TNFSF13B: variants seen among roughly 807,000 people sequenced by gnomAD.
TNFSF13B encodes the protein tumor necrosis factor ligand superfamily member 13B.
Under a neutral mutation model 29.1 loss-of-function variants are expected in TNFSF13B, and 8 were observed. The ratio of observed to expected loss-of-function variants is 0.27; its 90% CI spans 0.16 to 0.50. The LOEUF (loss-of-function observed/expected upper bound fraction) is 0.50, where lower values mean the gene tolerates loss of function less well. Ranked by LOEUF, TNFSF13B falls within the 20% of genes least tolerant of loss-of-function variation. TNFSF13B has a pLI of 0.98. For missense variants in TNFSF13B, 248 were observed against 334.9 expected (o/e 0.74, Z 2.03); for synonymous variants, 125 against 130.8 (o/e 0.96, Z 0.30).
intron 5 of TNFSF13B, 149 bp from the exon 6 acceptor site, chr13:108,306,677 T>G (rs1167746377): frequency 2.0e-6 from 1 of 508,920 alleles, no homozygotes; most frequent in East Asian, 3.4e-5. Flanking sequence ...CTAAGATAAT[T>G]GCAATGGTTT....
chr13:108,303,368 A>G lies in TNFSF13B; in HGVS notation c.594+3A>G. The stretch of plus-strand genomic sequence containing the variant: ...GTTACTTTTTTATATATGGTCAGGT[A>G]GGTTGAAACCCTAATTCTGGTTTTA... On this transcript the variant is annotated splice_donor_region_variant and intron_variant, in intron 4 of 5. Coordinates refer to ENST00000375887, the MANE Select transcript of TNFSF13B (RefSeq NM_006573.5). 6.2e-7 allele frequency: 1 copy of G among 1,611,394 alleles called. No individual in the cohort carries two copies. The highest frequency in any genetic ancestry group is 8.5e-7 in the Non-Finnish European group (1 of 1,178,296).
chr13:108,280,820 G>C (rs189548148), intron 2 of TNFSF13B, among the ~76,000 whole-genome samples: 361 of 151,942 alleles, frequency 2.4e-3, no homozygotes, highest in African/African-American at 8.0e-3. Flanking sequence ...AATATGAGTG[G>C]ATATGTGACA....
chr13:108,307,696 T>A lies in TNFSF13B; in HGVS notation c.*758T>A, dbSNP rs572185126. On this transcript the variant is annotated 3_prime_UTR_variant, in exon 6 of 6. Coordinates refer to ENST00000375887, the MANE Select transcript of TNFSF13B (RefSeq NM_006573.5). ...ACTTTTAATATCAGGTAATTTCAAT[T>A]TATGCCTATAAAGCATTGATTGAAA... is the stretch of plus-strand genomic sequence containing the variant. 7.2e-5 allele frequency: 11 copies of A among 152,028 alleles called. No individual in the cohort carries two copies. Among genetic ancestry groups the A allele is most frequent in the Admixed American group, 5.9e-4 (9 of 15,240 alleles). 9.4% of individuals were successfully genotyped at this position (152,028 alleles called of 1,614,324 possible). A position where few individuals can be genotyped will look rare whatever the true frequency, so the allele number is the denominator to read the frequency against.
intron 5 of TNFSF13B, among the ~76,000 whole-genome samples, chr13:108,303,883 A>G (rs2139071176): frequency 6.6e-6 from 1 of 152,352 alleles, no homozygotes; most frequent in South Asian, 2.1e-4. Flanking sequence ...TACATGGTAC[A>G]TAGTACTTCT....
chr13:108,272,113 G>T (rs1880636356), intron 2 of TNFSF13B, among the ~76,000 whole-genome samples: 1 of 152,096 alleles, frequency 6.6e-6, no homozygotes, highest in Non-Finnish European at 1.5e-5. Context: ...TTTAGTAGTT[G>T]TAAAACAATA....
At chr13:108,292,786 T>C (rs1881357511) in intron 3 of TNFSF13B, among the ~76,000 whole-genome samples, 1 of 152,184 alleles carries the variant, frequency 6.6e-6, no homozygotes, top group African/African-American at 2.4e-5. Context: ...CTTTTTGTTG[T>C]TGAGTTGTAA....
chr13:108,299,388 G>C (rs1205020750), intron 3 of TNFSF13B, among the ~76,000 whole-genome samples: 1 of 111,408 alleles, frequency 9.0e-6, no homozygotes, highest in Non-Finnish European at 2.1e-5. Flanking sequence ...TTACAATGTA[G>C]CAAATCTGGA....
intron 2 of TNFSF13B, among the ~76,000 whole-genome samples, chr13:108,282,505 T>C (rs1320279580): frequency 6.6e-6 from 1 of 152,236 alleles, no homozygotes; most frequent in Non-Finnish European, 1.5e-5. Flanking sequence ...TAAAAATGTT[T>C]CCCATATGGT....
chr13:108,296,062 T>C (rs1881450744), intron 3 of TNFSF13B, among the ~76,000 whole-genome samples: 1 of 146,148 alleles, frequency 6.8e-6, no homozygotes, highest in Admixed American at 6.7e-5. Flanking sequence ...AAAATATGTG[T>C]TCTGCTGATT....
intron 2 of TNFSF13B, among the ~76,000 whole-genome samples, chr13:108,278,694 C>G (rs1237010422): frequency 5.0e-5 from 4 of 79,262 alleles, no homozygotes; most frequent in South Asian, 4.7e-4. Context: ...TCCTCCTCCT[C>G]TTCCTCCTCC....
intron 2 of TNFSF13B, among the ~76,000 whole-genome samples, chr13:108,281,296 T>C (rs1880947022): frequency 6.6e-6 from 1 of 152,132 alleles, no homozygotes. Context: ...TTTGTCATCA[T>C]TCCATCAGCT....
intron 2 of TNFSF13B, among the ~76,000 whole-genome samples, chr13:108,275,802 A>G (rs1217622453): frequency 6.6e-6 from 1 of 152,180 alleles, no homozygotes; most frequent in Admixed American, 6.5e-5. Flanking sequence ...AGACTTAACT[A>G]TTAGCTAAAT....
At chr13:108,272,059 C>T (rs549585568) in intron 2 of TNFSF13B, among the ~76,000 whole-genome samples, 2 of 152,234 alleles carry the variant, frequency 1.3e-5, no homozygotes, top group Non-Finnish European at 2.9e-5. Flanking sequence ...ACCGGTTCTC[C>T]ACATTCTTGC....
intron 2 of TNFSF13B, among the ~76,000 whole-genome samples, chr13:108,274,972 T>C (rs1235234104): frequency 6.6e-6 from 1 of 152,190 alleles, no homozygotes; most frequent in Non-Finnish European, 1.5e-5. Context: ...TTTTAGAATT[T>C]AGTACTTTGG....
chr13:108,284,014 A>C (rs1045794209), intron 2 of TNFSF13B, among the ~76,000 whole-genome samples: 3 of 152,106 alleles, frequency 2.0e-5, no homozygotes, highest in Non-Finnish European at 4.4e-5. Flanking sequence ...AGTTTTTGGG[A>C]AACAGAGAAA....
intron 5 of TNFSF13B, among the ~76,000 whole-genome samples, chr13:108,304,340 A>G (rs1260929795): frequency 2.6e-5 from 4 of 152,170 alleles, no homozygotes; most frequent in African/African-American, 4.8e-5. Flanking sequence ...TTCTTTCTAA[A>G]TAGCCACAAG....
At chr13:108,288,259 C>G (rs904304055) in intron 3 of TNFSF13B, among the ~76,000 whole-genome samples, 2 of 152,138 alleles carry the variant, frequency 1.3e-5, no homozygotes, top group African/African-American at 4.8e-5. Context: ...ATTTAGTTTA[C>G]ATTTATTAAT....
rs58093140 is a variant in TNFSF13B at position 108,307,016 on chromosome 13, CAAAAAAAAAAAA to C, written c.*98_*109del. 0.069 allele frequency: 5,277 copies of C among 76,642 alleles called. 72 individuals carry two copies. The highest frequency in any genetic ancestry group is 0.15 in the Middle Eastern group (23 of 158). The allele number at this position is 76,642 out of a possible 1,614,324, so 4.7% of individuals were successfully genotyped here. On this transcript the variant is annotated 3_prime_UTR_variant, in exon 6 of 6. Transcript: ENST00000375887. ...GAAGAAAGAATCTAACTGAAAATAC[CAAAAAAAAAAAA>C]AAAAAAAAAAAAAAAAAAAGTAGTT...
chr13:108,305,216 T>A (rs1417100982), intron 5 of TNFSF13B, among the ~76,000 whole-genome samples: 2 of 152,116 alleles, frequency 1.3e-5, no homozygotes, highest in African/African-American at 4.8e-5. Context: ...GCAAATTTAT[T>A]TAAAGCCATT....
Sources: allele counts gnomAD v4.1 joint callset (sites outside exome capture counted in the v4.1 genomes callset), GRCh38; gene constraint gnomAD v4.1.1; transcripts MANE v1.5; gene names NCBI Gene and HGNC (gene_info 2026-07-23, HGNC 2026-07-21).